Variants in TP63 observed in about 807,000 individuals in gnomAD.
TP63 encodes tumor protein 63.
A neutral mutation model predicts 82.8 loss-of-function variants in TP63; 17 were observed. The ratio of observed to expected loss-of-function variants is 0.21; its 90% CI spans 0.14 to 0.31. The LOEUF is 0.31. Among genes scored for constraint, TP63 ranks in the 10% least tolerant of loss-of-function variants. The probability of loss-of-function intolerance (pLI) is 1.00; values close to 1 mark genes in which losing one functional copy is unlikely to be tolerated. For synonymous variants in TP63, 330 were observed against 321.7 expected (o/e 1.03, Z -0.28); for missense variants, 648 against 895.3 (o/e 0.72, Z 3.52).
chr3:189,640,927 A>G (rs1413740470), intron 1 of TP63, among the ~76,000 whole-genome samples: 1 of 152,172 alleles, frequency 6.6e-6, no homozygotes, highest in East Asian at 1.9e-4. Flanking sequence ...GAAACATATC[A>G]AAAATATAAA....
At chr3:189,727,370 G>A (rs1719847238) in intron 1 of TP63, among the ~76,000 whole-genome samples, 1 of 152,136 alleles carries the variant, frequency 6.6e-6, no homozygotes, top group Non-Finnish European at 1.5e-5. Context: ...AGGTTTTAGG[G>A]CAGTAAACCT....
rs1469990877 is a variant in TP63, at chr3:189,895,057, TC to T, written c.*556del. 1 of 220,666 alleles carries T rather than the reference TC, an allele frequency of 4.5e-6. No homozygotes were observed. The highest frequency in any genetic ancestry group is 6.7e-5 in the East Asian group (1 of 14,924). 13.7% of individuals were successfully genotyped at this position (220,666 alleles called of 1,614,324 possible). On this transcript the variant is annotated 3_prime_UTR_variant, in exon 14 of 14. Coordinates refer to ENST00000264731, the MANE Select transcript of TP63 (RefSeq NM_003722.5). Reference sequence around the variant, plus strand: ...ATGTGAGTGACGATGATGTACAGATTCTTTCAGTTCTTTGGATTCTAAATAC... The same window carrying T: ...ATGTGAGTGACGATGATGTACAGATTTTTCAGTTCTTTGGATTCTAAATAC...
chr3:189,765,432 G>GTTTTTTTTTTTTTTTTTTTTTTTTTTT (rs1560167431), intron 3 of TP63, among the ~76,000 whole-genome samples: 1 of 6,186 alleles, frequency 1.6e-4, no homozygotes, highest in Non-Finnish European at 3.7e-4. Context: ...CCTGTCCTCT[G>GTTTTTTTTTTTTTTTTTTTTTTTTTTT]CTTTTTTTTT....
At chr3:189,684,633 T>G (rs569775517) in intron 1 of TP63, among the ~76,000 whole-genome samples, 1 of 59,820 alleles carries the variant, frequency 1.7e-5, no homozygotes, top group Non-Finnish European at 3.5e-5. Flanking sequence ...TCTTTCTTTC[T>G]TTTTTTTTTT....
At chr3:189,614,279 G>A in the TP63 span, among the ~76,000 whole-genome samples, 5 of 152,144 alleles carry the variant, frequency 3.3e-5, no homozygotes, top group Non-Finnish European at 7.3e-5. Flanking sequence ...CACGAGATCT[G>A]ATGGATTTGT....
chr3:189,640,015 C>A (rs1184057819), intron 1 of TP63, among the ~76,000 whole-genome samples: 1 of 152,084 alleles, frequency 6.6e-6, no homozygotes, highest in African/African-American at 2.4e-5. Flanking sequence ...TGAAATTCAT[C>A]ATTAGCTTTT....
intron 10 of TP63, among the ~76,000 whole-genome samples, chr3:189,875,529 G>GCACA (rs1269481470): frequency 9.2e-6 from 1 of 108,936 alleles, no homozygotes; most frequent in Non-Finnish European, 2.2e-5. Context: ...TTGTGCCACT[G>GCACA]CACTCCAGCC....
At chr3:189,855,698 A>ATG (rs1716200824) in intron 4 of TP63, among the ~76,000 whole-genome samples, 1 of 151,798 alleles carries the variant, frequency 6.6e-6, no homozygotes, top group Non-Finnish European at 1.5e-5. Flanking sequence ...TTGTGTGTAT[A>ATG]TATGTGTGTG....
chr3:189,665,268 G>C (rs1714283717), intron 1 of TP63, among the ~76,000 whole-genome samples: 1 of 151,998 alleles, frequency 6.6e-6, no homozygotes, highest in Non-Finnish European at 1.5e-5. Context: ...TACGGTTCAG[G>C]GATTTTTATC....
chr3:189,612,464 A>G, the TP63 span, among the ~76,000 whole-genome samples: 1 of 152,322 alleles, frequency 6.6e-6, no homozygotes, highest in South Asian at 2.1e-4. Context: ...CTTCCCAGCC[A>G]TGTGGAACTG....
chr3:189,736,701 AGGT>A (rs775260492), intron 1 of TP63, among the ~76,000 whole-genome samples: 3 of 152,122 alleles, frequency 2.0e-5, no homozygotes, highest in Admixed American at 6.5e-5. Context: ...GTGCTATTGC[AGGT>A]AGCTTGGAAA....
chr3:189,751,408 A>G (rs1310098140), intron 3 of TP63, among the ~76,000 whole-genome samples: 2 of 152,186 alleles, frequency 1.3e-5, no homozygotes, highest in African/African-American at 4.8e-5. Context: ...GTCTTCCACA[A>G]TGGTTGAACT....
At chr3:189,755,366 A>T (rs544096130) in intron 3 of TP63, among the ~76,000 whole-genome samples, 47 of 152,298 alleles carry the variant, frequency 3.1e-4, no homozygotes, top group Middle Eastern at 3.4e-3. Context: ...TATCAAAAAG[A>T]CATAAATCCC....
At chr3:189,852,165 C>T (rs1715718854) in intron 4 of TP63, among the ~76,000 whole-genome samples, 2 of 152,140 alleles carry the variant, frequency 1.3e-5, no homozygotes, top group Admixed American at 1.3e-4. Context: ...ATAAATGATG[C>T]CCACAGTTGT....
At chr3:189,603,749 TTACC>T in the TP63 span, among the ~76,000 whole-genome samples, 1 of 151,526 alleles carries the variant, frequency 6.6e-6, no homozygotes, top group Non-Finnish European at 1.5e-5. Flanking sequence ...CTATATAGTT[TTACC>T]TTTAAGTATT....
chr3:189,836,350 T>G (rs1438206024), intron 4 of TP63, among the ~76,000 whole-genome samples: 1 of 152,154 alleles, frequency 6.6e-6, no homozygotes, highest in African/African-American at 2.4e-5. Flanking sequence ...AATGACAATT[T>G]TCTCCTAAGA....
rs1369083642 is a variant in TP63 at position 189,886,380 on chromosome 3, G to T, written c.1350-14G>T. 6.2e-7 allele frequency: 1 copy of T among 1,613,598 alleles called. No individual in the cohort carries two copies. Among genetic ancestry groups the T allele is most frequent in the East Asian group, 2.2e-5 (1 of 44,866 alleles). On this transcript the variant is annotated splice_polypyrimidine_tract_variant and intron_variant, in intron 10 of 13. Coordinates refer to ENST00000264731, the MANE Select transcript of TP63 (RefSeq NM_003722.5). Reference sequence around the variant, plus strand: ...GTCCCTTGCTCACCATTATTTCCATGTTTGTCTTCCTAGGACCTCAATACA... The same window carrying T: ...GTCCCTTGCTCACCATTATTTCCATTTTTGTCTTCCTAGGACCTCAATACA...
intron 3 of TP63, among the ~76,000 whole-genome samples, chr3:189,803,378 T>G (rs1726524682): frequency 6.6e-6 from 1 of 152,274 alleles, no homozygotes; most frequent in South Asian, 2.1e-4. Flanking sequence ...AATACCTATT[T>G]CTATTGCATT....
At chr3:189,881,676 C>G (rs1030860195) in intron 10 of TP63, among the ~76,000 whole-genome samples, 3 of 152,112 alleles carry the variant, frequency 2.0e-5, no homozygotes, top group African/African-American at 7.2e-5. Context: ...TTAAGATACT[C>G]TGTATCAAGG....
Sources: allele counts gnomAD v4.1 joint callset (sites outside exome capture counted in the v4.1 genomes callset), GRCh38; gene constraint gnomAD v4.1.1; transcripts MANE v1.5; gene names NCBI Gene and HGNC (gene_info 2026-07-23, HGNC 2026-07-21).